Variants in SESN1 observed in about 807,000 individuals in gnomAD.
SESN1 encodes sestrin 1, also known as sestrin-1.
In SESN1, 30 loss-of-function variants were observed where a neutral mutation model predicts 59.3. That is an observed-to-expected ratio of 0.51 (90% CI 0.38 to 0.69). The LOEUF (loss-of-function observed/expected upper bound fraction) is 0.69, where lower values mean the gene tolerates loss of function less well. SESN1 is among the 30% of genes least tolerant of loss of function. The pLI is 0.00. For missense variants in SESN1, 566 were observed against 673.0 expected (o/e 0.84, Z 1.76); for synonymous variants, 197 against 219.9 (o/e 0.90, Z 0.92).
intron 1 of SESN1, among the ~76,000 whole-genome samples, chr6:109,058,795 CA>C (rs1182767339): frequency 3.3e-5 from 5 of 152,062 alleles, no homozygotes; most frequent in Non-Finnish European, 5.9e-5. Flanking sequence ...ACAATCTAGG[CA>C]ACTGGTTTTC....
chr6:109,044,797 G>A (rs1780398087), intron 1 of SESN1, among the ~76,000 whole-genome samples: 2 of 152,152 alleles, frequency 1.3e-5, no homozygotes, highest in Admixed American at 1.3e-4. Flanking sequence ...GTCGAGGAGG[G>A]CAGATCACCT....
intron 1 of SESN1, among the ~76,000 whole-genome samples, chr6:109,018,362 G>A (rs1408630637): frequency 6.6e-6 from 1 of 152,200 alleles, no homozygotes; most frequent in Non-Finnish European, 1.5e-5. Flanking sequence ...ATGTATAAAT[G>A]TGTCAGTGAT....
Position 108,985,974 on chromosome 6 carries a change from T to G in SESN1, c.*1570A>C, listed in dbSNP as rs1306867386. ...CCTTGAGGACAGGTACCACCTCTGT[T>G]CAAAATTGATCCTTCCCAACCCCTA... is the stretch of plus-strand genomic sequence containing the variant. On this transcript the variant is annotated 3_prime_UTR_variant, in exon 10 of 10. Coordinates refer to ENST00000436639, the MANE Select transcript of SESN1 (RefSeq NM_014454.3). Among the ~76,000 whole-genome samples the G allele has an allele frequency of 3.3e-5, 5 of 152,202 alleles. No individual in the cohort carries two copies. The highest frequency in any genetic ancestry group is 5.9e-5 in the Non-Finnish European group (4 of 68,042).
intron 1 of SESN1, among the ~76,000 whole-genome samples, chr6:109,065,334 C>G (rs1026832260): frequency 3.9e-5 from 6 of 152,064 alleles, no homozygotes; most frequent in Non-Finnish European, 1.5e-5. Flanking sequence ...TATTTAGTTT[C>G]TTCTTTTCCT....
At chr6:109,012,029 C>T (rs973497318) in intron 1 of SESN1, among the ~76,000 whole-genome samples, 5 of 152,258 alleles carry the variant, frequency 3.3e-5, no homozygotes, top group South Asian at 2.1e-4. Context: ...CCAAGGATTT[C>T]GAAGGTAGGC....
chr6:109,065,083 A>C (rs1215405830), intron 1 of SESN1, among the ~76,000 whole-genome samples: 5 of 152,030 alleles, frequency 3.3e-5, no homozygotes, highest in Non-Finnish European at 7.4e-5. Flanking sequence ...ACTTATTTCC[A>C]ATCCCTCTCT....
intron 1 of SESN1, among the ~76,000 whole-genome samples, chr6:109,092,554 G>C (rs576100531): frequency 6.6e-6 from 1 of 152,122 alleles, no homozygotes; most frequent in Non-Finnish European, 1.5e-5. Flanking sequence ...GGAAAGAACA[G>C]AAAAACTATA....
At chr6:109,075,343 A>G (rs1303973983) in intron 1 of SESN1, among the ~76,000 whole-genome samples, 4 of 152,164 alleles carry the variant, frequency 2.6e-5, no homozygotes, top group Non-Finnish European at 5.9e-5. Flanking sequence ...CCTTTTGAGT[A>G]TGGACTAAAC....
intron 1 of SESN1, among the ~76,000 whole-genome samples, chr6:109,025,841 G>A (rs1029242181): frequency 6.7e-6 from 1 of 150,262 alleles, no homozygotes; most frequent in East Asian, 2.0e-4. Flanking sequence ...GAAATAGAAG[G>A]TCTAATACAT....
chr6:109,089,022 G>C (rs1458576970), intron 1 of SESN1, among the ~76,000 whole-genome samples: 1 of 151,798 alleles, frequency 6.6e-6, no homozygotes, highest in Non-Finnish European at 1.5e-5. Context: ...ATTGAGAACT[G>C]GGGTATAAAC....
In SESN1 at chr6:108,985,927, G is replaced by A. The variant is rs1376517720; in HGVS notation, c.*1617C>T. On this transcript the variant is annotated 3_prime_UTR_variant, in exon 10 of 10. Coordinates refer to ENST00000436639, the MANE Select transcript of SESN1 (RefSeq NM_014454.3). ...TATTCCTAGCTAAGGTTATAGTCTT[G>A]TCTTCTCATGAGAGTAAATATCCTT... Among the ~76,000 whole-genome samples the A allele has an allele frequency of 2.6e-5, 4 of 152,094 alleles. No homozygotes were observed. Among genetic ancestry groups the A allele is most frequent in the Non-Finnish European group, 5.9e-5 (4 of 68,012 alleles).
At chr6:109,005,465 C>A (rs759396977) in intron 1 of SESN1, among the ~76,000 whole-genome samples, 3 of 152,142 alleles carry the variant, frequency 2.0e-5, no homozygotes, top group African/African-American at 4.8e-5. Context: ...ATTGACAGCA[C>A]ATAGGTTTAG....
chr6:109,020,175 GCTT>G (rs1218723814), intron 1 of SESN1, among the ~76,000 whole-genome samples: 10 of 152,254 alleles, frequency 6.6e-5, no homozygotes, highest in African/African-American at 1.9e-4. Context: ...TGAGGCCTAA[GCTT>G]CTTCTTTTTT....
At chr6:108,989,558 T>G (rs1367418933) in intron 8 of SESN1, among the ~76,000 whole-genome samples, 1 of 104,166 alleles carries the variant, frequency 9.6e-6, no homozygotes, top group African/African-American at 4.4e-5. Flanking sequence ...TAGATCTAGA[T>G]CTCTAGATCT....
At chr6:109,017,889 G>C (rs1779952241) in intron 1 of SESN1, among the ~76,000 whole-genome samples, 1 of 152,118 alleles carries the variant, frequency 6.6e-6, no homozygotes. Context: ...TTCCTGGCGA[G>C]GCACAGTGGC....
chr6:109,085,246 G>T (rs950622202), intron 1 of SESN1, among the ~76,000 whole-genome samples: 2 of 151,990 alleles, frequency 1.3e-5, no homozygotes, highest in African/African-American at 4.8e-5. Context: ...CTGGCCAGGC[G>T]CAGCGGCTTA....
chr6:109,066,812 G>A (rs1354790365), intron 1 of SESN1, among the ~76,000 whole-genome samples: 2 of 152,256 alleles, frequency 1.3e-5, no homozygotes, highest in Non-Finnish European at 1.5e-5. Flanking sequence ...TTAAAAGTTC[G>A]AGAGAGACTA....
At chr6:109,059,595 T>C (rs908091068) in intron 1 of SESN1, 9 of 152,212 alleles carry the variant, frequency 5.9e-5, no homozygotes, top group Non-Finnish European at 1.3e-4. Flanking sequence ...CTTTGGCATA[T>C]GTGCTGCTGA....
At chr6:109,026,313 TG>T (rs1220327394) in intron 1 of SESN1, among the ~76,000 whole-genome samples, 1 of 152,108 alleles carries the variant, frequency 6.6e-6, no homozygotes, top group Non-Finnish European at 1.5e-5. Flanking sequence ...GAAGGAAGTG[TG>T]AAAAAGACCA....
Sources: allele counts gnomAD v4.1 joint callset (sites outside exome capture counted in the v4.1 genomes callset), GRCh38; gene constraint gnomAD v4.1.1; transcripts MANE v1.5; gene names NCBI Gene and HGNC (gene_info 2026-07-23, HGNC 2026-07-21).